Variants in MOB1A observed in about 807,000 individuals in gnomAD.
The protein encoded by MOB1A is MOB1 Mps One Binder homolog A.
In MOB1A, 10 loss-of-function variants were observed where a neutral mutation model predicts 25.1. That is an observed-to-expected ratio of 0.40 (90% CI 0.25 to 0.68). The LOEUF (loss-of-function observed/expected upper bound fraction) is 0.68, where lower values mean the gene tolerates loss of function less well. MOB1A is among the 30% of genes least tolerant of loss of function. The pLI, the probability that MOB1A is intolerant of heterozygous loss-of-function variation, is 0.40. For synonymous variants in MOB1A, 81 were observed against 79.5 expected (o/e 1.02, Z -0.10); for missense variants, 177 against 256.3 (o/e 0.69, Z 2.11).
chr2:74,169,497 G>A (rs1004174837), intron 2 of MOB1A, among the ~76,000 whole-genome samples: 2 of 151,608 alleles, frequency 1.3e-5, no homozygotes, highest in Admixed American at 6.6e-5. Flanking sequence ...ATACTGTCTC[G>A]AGAGAAAATA....
chr2:74,173,253 A>G, intron 1 of MOB1A: 1 of 513,714 alleles, frequency 1.9e-6, no homozygotes, highest in Non-Finnish European at 3.9e-6. Context: ...TTCCACAAAT[A>G]AGGCAATTTT....
intron 1 of MOB1A, among the ~76,000 whole-genome samples, chr2:74,175,345 A>G (rs888302384): frequency 5.3e-5 from 8 of 152,210 alleles, no homozygotes; most frequent in Non-Finnish European, 8.8e-5. Context: ...TAAAGTGCAC[A>G]ATCAATGTAA....
intron 4 of MOB1A, among the ~76,000 whole-genome samples, chr2:74,161,929 C>T (rs1279116159): frequency 6.6e-6 from 1 of 152,076 alleles, no homozygotes; most frequent in Non-Finnish European, 1.5e-5. Context: ...TGCACTCTAG[C>T]CTGGGCAACA....
chr2:74,161,012 T>G (rs1188615732), intron 4 of MOB1A, among the ~76,000 whole-genome samples: 1 of 151,192 alleles, frequency 6.6e-6, no homozygotes, highest in African/African-American at 2.4e-5. Flanking sequence ...TGAGCCAAGA[T>G]TGCCGCCACT....
In MOB1A at chr2:74,155,172, A is replaced by G. The variant is rs1692768532; in HGVS notation, c.*1396T>C. ...TTGCCAGTTTGGCAAGTCTTCCAGT[A>G]TAATACTTGTTGTGCCTCAGTACAT... On this transcript the variant is annotated 3_prime_UTR_variant, in exon 6 of 6. Coordinates refer to ENST00000396049, the MANE Select transcript of MOB1A (RefSeq NM_018221.5). 1 of 152,544 alleles carries G rather than the reference A, an allele frequency of 6.6e-6. No homozygotes were observed. Among genetic ancestry groups the G allele is most frequent in the Non-Finnish European group, 1.5e-5 (1 of 68,028 alleles). 9.4% of individuals were successfully genotyped at this position (152,544 alleles called of 1,614,324 possible).
intron 1 of MOB1A, chr2:74,173,143 A>C (rs768512138): frequency 1.8e-5 from 9 of 511,298 alleles, no homozygotes; most frequent in African/African-American, 1.3e-4. Flanking sequence ...CTCAAAAAAA[A>C]CAAAAACACT....
chr2:74,172,710 G>T lies in MOB1A; in HGVS notation c.57C>A (p.Ile19=). ...GTTCATACTGATGAGATCCTTCAGG[G>T]ATATTCTTCTTTGGTTTGAATGTTT... The part of the protein sequence containing the change: ...SSKTFKPKKN[I]PEGSHQYELL... The change falls in exon 2 of 6, where the codon ATC becomes ATA. Residue 19 remains isoleucine, a synonymous_variant. Transcript: ENST00000396049. 1 of 1,613,814 alleles carries T rather than the reference G, an allele frequency of 6.2e-7. No individual in the cohort carries two copies. Among genetic ancestry groups the T allele is most frequent in the South Asian group, 1.1e-5 (1 of 91,018 alleles).
chr2:74,165,902 A>G (rs1458242687), intron 3 of MOB1A, among the ~76,000 whole-genome samples: 1 of 152,204 alleles, frequency 6.6e-6, no homozygotes, highest in African/African-American at 2.4e-5. Flanking sequence ...GTTTATTTTC[A>G]TTTCTTTTAA....
intron 1 of MOB1A, among the ~76,000 whole-genome samples, chr2:74,176,083 T>TACACACACAC (rs58496712): frequency 0.017 from 2,218 of 129,278 alleles, 55 homozygotes; most frequent in African/African-American, 0.038. Flanking sequence ...CCGCCTCTAC[T>TACACACACAC]ACACACACAC....
chr2:74,158,849 G>C (rs1055131015), intron 5 of MOB1A, among the ~76,000 whole-genome samples: 4 of 151,788 alleles, frequency 2.6e-5, no homozygotes, highest in African/African-American at 7.3e-5. Context: ...ACCCTGAATG[G>C]ATAATCCTAA....
At chr2:74,158,010 C>T (rs1246158066) in intron 5 of MOB1A, among the ~76,000 whole-genome samples, 2 of 151,708 alleles carry the variant, frequency 1.3e-5, no homozygotes, top group Non-Finnish European at 1.5e-5. Context: ...GGTGAAACCC[C>T]ATTTCTAGTA....
chr2:74,161,873 C>T (rs1027366753), intron 4 of MOB1A, among the ~76,000 whole-genome samples: 1 of 151,912 alleles, frequency 6.6e-6, no homozygotes, highest in African/African-American at 2.4e-5. Context: ...AGAAGGACCA[C>T]TTGCGCCTGG....
chr2:74,168,229 T>C (rs759699063), intron 2 of MOB1A, among the ~76,000 whole-genome samples: 11 of 151,958 alleles, frequency 7.2e-5, no homozygotes, highest in Non-Finnish European at 1.6e-4. Flanking sequence ...TCATGAAGAG[T>C]TGGAAGTAGT....
chr2:74,168,047 G>C (rs1217011590), intron 2 of MOB1A, among the ~76,000 whole-genome samples: 1 of 152,172 alleles, frequency 6.6e-6, no homozygotes, highest in East Asian at 1.9e-4. Flanking sequence ...GCTGAGGCGA[G>C]AGGACTGCTT....
At chr2:74,174,044 G>A (rs1226940661) in intron 1 of MOB1A, among the ~76,000 whole-genome samples, 1 of 151,124 alleles carries the variant, frequency 6.6e-6, no homozygotes, top group African/African-American at 2.4e-5. Flanking sequence ...CGAGGCAGTG[G>A]ATCACGAGGT....
chr2:74,176,075 G>A (rs1016962238), intron 1 of MOB1A, among the ~76,000 whole-genome samples: 9 of 123,978 alleles, frequency 7.3e-5, no homozygotes, highest in South Asian at 5.2e-4. Context: ...GTGAAACCCC[G>A]CCTCTACTAC....
intron 1 of MOB1A, among the ~76,000 whole-genome samples, chr2:74,175,369 T>C (rs1381316241): frequency 6.6e-6 from 1 of 152,190 alleles, no homozygotes; most frequent in Admixed American, 6.5e-5. Flanking sequence ...ATTTGAATCA[T>C]CCAGAAACCA....
chr2:74,165,895 T>C (rs931193249), intron 3 of MOB1A, among the ~76,000 whole-genome samples: 1 of 152,228 alleles, frequency 6.6e-6, no homozygotes, highest in Non-Finnish European at 1.5e-5. Context: ...TTTTCCTGTT[T>C]ATTTTCATTT....
Position 74,153,971 on chromosome 2 carries a change from C to T in MOB1A, c.*2597G>A, listed in dbSNP as rs1056402077. On this transcript the variant is annotated 3_prime_UTR_variant, in exon 6 of 6. Coordinates refer to ENST00000396049, the MANE Select transcript of MOB1A (RefSeq NM_018221.5). ...GGTAAGGAGATGGAGACCATCCTGG[C>T]TAACACGGTGAAACCCCATCTCTAC... 6.6e-6 allele frequency: 1 copy of T among 152,178 alleles called. No individual in the cohort carries two copies. The highest frequency in any genetic ancestry group is 1.5e-5 in the Non-Finnish European group (1 of 68,090). The allele number at this position is 152,178 out of a possible 1,614,324, so 9.4% of individuals were successfully genotyped here.
Sources: gnomAD v4.1 joint callset for allele counts (sites outside exome capture counted in the v4.1 genomes callset) on GRCh38, gnomAD v4.1.1 for gene constraint, MANE v1.5 for transcripts, NCBI Gene and HGNC (gene_info 2026-07-23, HGNC 2026-07-21) for gene names.